The following PPP1R14C variants were observed in gnomAD, a reference collection of about 807,000 sequenced individuals.
PPP1R14C encodes the protein protein phosphatase 1 regulatory inhibitor subunit 14C.
Under a neutral mutation model 20.4 loss-of-function variants are expected in PPP1R14C, and 16 were observed. The observed-to-expected ratio is 0.78, with a 90% confidence interval of 0.53 to 1.19. The LOEUF (loss-of-function observed/expected upper bound fraction) is 1.19, where lower values mean the gene tolerates loss of function less well. PPP1R14C is among the 50% of genes most tolerant of loss of function. The probability of loss-of-function intolerance (pLI) is 0.00; values close to 1 mark genes in which losing one functional copy is unlikely to be tolerated. For synonymous variants in PPP1R14C, 91 were observed against 91.0 expected (o/e 1.00, Z 0.00); for missense variants, 211 against 220.1 (o/e 0.96, Z 0.26).
intron 1 of PPP1R14C, among the ~76,000 whole-genome samples, chr6:150,149,443 A>ATTTTTTTTTTTTTTTTTTTTTT (rs1216146263): frequency 2.5e-5 from 3 of 119,938 alleles, no homozygotes; most frequent in African/African-American, 9.9e-5. Flanking sequence ...CTCCCACCTA[A>ATTTTTTTTTTTTTTTTTTTTTT]TTTTTTTTTT....
intron 3 of PPP1R14C, among the ~76,000 whole-genome samples, chr6:150,217,195 A>ATTTTT (rs397886649): frequency 7.4e-6 from 1 of 135,654 alleles, no homozygotes; most frequent in Non-Finnish European, 1.6e-5. Flanking sequence ...ATTGGTATGT[A>ATTTTT]TTTTTTTTTT....
intron 1 of PPP1R14C, among the ~76,000 whole-genome samples, chr6:150,190,952 TCTTTA>T (rs1777734816): frequency 1.3e-5 from 2 of 152,278 alleles, no homozygotes; most frequent in South Asian, 4.1e-4. Context: ...AGTGGCTATG[TCTTTA>T]CACTGGTCTG....
intron 1 of PPP1R14C, among the ~76,000 whole-genome samples, chr6:150,202,743 G>T (rs1038523072): frequency 6.6e-6 from 1 of 152,170 alleles, no homozygotes; most frequent in Admixed American, 6.5e-5. Flanking sequence ...CCCAGCCCTC[G>T]GCTGTAAGAA....
intron 1 of PPP1R14C, among the ~76,000 whole-genome samples, chr6:150,191,416 T>C (rs9371809): frequency 6.6e-6 from 1 of 152,184 alleles, no homozygotes; most frequent in African/African-American, 2.4e-5. Context: ...TGTGGAGTGA[T>C]TGTATCCACC....
chr6:150,218,359 C>T lies in PPP1R14C; in HGVS notation c.423+1503C>T, dbSNP rs565561298. Among the ~76,000 whole-genome samples, 10 of 151,690 alleles carry T rather than the reference C, an allele frequency of 6.6e-5. No homozygotes were observed. In the East Asian group the frequency reaches 1.9e-3, roughly 29 times the overall value. ...CGGAGCTTGCAGTGAGCCGAGATTG[C>T]GCCACTGCACTCCAGCCTGGGCGAC... On this transcript the variant is annotated intron_variant, in intron 3 of 3. Transcript: ENST00000361131.
At chr6:150,186,178 G>A (rs1013440386) in intron 1 of PPP1R14C, among the ~76,000 whole-genome samples, 1 of 152,110 alleles carries the variant, frequency 6.6e-6, no homozygotes, top group Non-Finnish European at 1.5e-5. Context: ...CCTCAGTTCC[G>A]ATAATTAATT....
At chr6:150,162,652 C>T (rs550629500) in intron 1 of PPP1R14C, among the ~76,000 whole-genome samples, 9 of 152,138 alleles carry the variant, frequency 5.9e-5, no homozygotes, top group South Asian at 2.1e-4. Flanking sequence ...GGTATAAACA[C>T]GTGTGGGTGG....
chr6:150,248,235 A>G (rs1417228002), intron 3 of PPP1R14C, among the ~76,000 whole-genome samples: 1 of 152,190 alleles, frequency 6.6e-6, no homozygotes, highest in Non-Finnish European at 1.5e-5. Flanking sequence ...TGAAATTTGG[A>G]GGACACATTC....
chr6:150,224,861 TGTAAATGGGCCTTAAGTAGTGTGGTAGTA>T (rs1420720703), intron 3 of PPP1R14C, among the ~76,000 whole-genome samples: 1 of 152,178 alleles, frequency 6.6e-6, no homozygotes, highest in Non-Finnish European at 1.5e-5. Context: ...AAGGAACTGC[TGTAAATGGGCCTTAAGTAGTGTGGTAGTA>T]AGGTGTGAGG....
intron 1 of PPP1R14C, among the ~76,000 whole-genome samples, chr6:150,174,889 C>G (rs1777544236): frequency 6.6e-6 from 1 of 151,578 alleles, no homozygotes; most frequent in South Asian, 2.1e-4. Flanking sequence ...TTGCTTGAAC[C>G]CGGGAGGCGG....
chr6:150,180,071 A>G (rs1225250188), intron 1 of PPP1R14C, among the ~76,000 whole-genome samples: 2 of 152,118 alleles, frequency 1.3e-5, no homozygotes, highest in Non-Finnish European at 1.5e-5. Context: ...GAGTGGTGGC[A>G]TGTGCCTGTA....
chr6:150,214,436 C>G (rs1397883502), intron 1 of PPP1R14C, among the ~76,000 whole-genome samples: 3 of 151,350 alleles, frequency 2.0e-5, no homozygotes, highest in Non-Finnish European at 4.4e-5. Context: ...CCTTTGCTCC[C>G]CCTCCTCCTT....
At chr6:150,163,467 C>G (rs1187217057) in intron 1 of PPP1R14C, among the ~76,000 whole-genome samples, 1 of 152,152 alleles carries the variant, frequency 6.6e-6, no homozygotes, top group African/African-American at 2.4e-5. Flanking sequence ...TGTAAGTGCA[C>G]AGTTGATGAA....
rs1777150591 is a variant in PPP1R14C at position 150,143,724 on chromosome 6, G to T, written c.306+226G>T. On this transcript the variant is annotated intron_variant, in intron 1 of 3. Coordinates refer to ENST00000361131, the MANE Select transcript of PPP1R14C (RefSeq NM_030949.3). This position sits in a 1 kb window ranked among gnomAD's most constrained non-coding sequence, Gnocchi z 5.6. ...TTCGGCTGCCGGTGCCCGGGGATCT[G>T]CGGGCCCCCTTGGTGGCCGTGGGGA... is the stretch of plus-strand genomic sequence containing the variant. Among the ~76,000 whole-genome samples the T allele has an allele frequency of 6.6e-6, 1 of 152,194 alleles. No individual in the cohort carries two copies.
chr6:150,173,235 A>G (rs192708956), intron 1 of PPP1R14C, among the ~76,000 whole-genome samples: 167 of 152,174 alleles, frequency 1.1e-3, no homozygotes, highest in Admixed American at 3.0e-3. Flanking sequence ...CTCTTCTAGC[A>G]TGTCTTCTAG....
intron 3 of PPP1R14C, among the ~76,000 whole-genome samples, chr6:150,217,954 T>C (rs1778115399): frequency 6.6e-6 from 1 of 152,192 alleles, no homozygotes; most frequent in South Asian, 2.1e-4. Context: ...TTTGATTACA[T>C]CTTGCAGTCA....
rs369389461 is a variant in PPP1R14C, at chr6:150,248,927, G to GTTTTTTT, written c.*114_*120dup. ...AGGTGTCCTTATGAACAACGTTTTT[G>GTTTTTTT]TTTTTTTTTTTTTCTTTTTTGGTGT... On this transcript the variant is annotated 3_prime_UTR_variant, in exon 4 of 4. Transcript: ENST00000361131. 1 of 406,738 alleles carries GTTTTTTT rather than the reference G, an allele frequency of 2.5e-6. No homozygotes were observed. The highest frequency in any genetic ancestry group is 4.2e-6 in the Non-Finnish European group (1 of 240,448). The allele number at this position is 406,738 out of a possible 1,614,324, so 25.2% of individuals were successfully genotyped here.
intron 1 of PPP1R14C, among the ~76,000 whole-genome samples, chr6:150,199,894 A>G (rs1318884341): frequency 1.3e-5 from 2 of 151,310 alleles, no homozygotes; most frequent in African/African-American, 4.9e-5. Flanking sequence ...TCTGTTCTTT[A>G]TACATTACCC....
At chr6:150,219,852 G>A (rs778210863) in intron 3 of PPP1R14C, among the ~76,000 whole-genome samples, 5 of 148,142 alleles carry the variant, frequency 3.4e-5, no homozygotes, top group Non-Finnish European at 5.9e-5. Context: ...GTATAAGAAC[G>A]GCTTGTTTTT....
Sources: allele counts gnomAD v4.1 joint callset (sites outside exome capture counted in the v4.1 genomes callset), GRCh38; gene constraint gnomAD v4.1.1; non-coding constraint Gnocchi (gnomAD v3.1); transcripts MANE v1.5; gene names NCBI Gene and HGNC (gene_info 2026-07-23, HGNC 2026-07-21).